The following NOVA1 variants were observed in gnomAD, a reference collection of about 807,000 sequenced individuals.
NOVA1 encodes NOVA alternative splicing regulator 1.
Under a neutral mutation model 38.0 loss-of-function variants are expected in NOVA1, and 7 were observed. The ratio of observed to expected loss-of-function variants is 0.18; its 90% confidence interval spans 0.10 to 0.35. The LOEUF is 0.35. Among genes scored for constraint, NOVA1 ranks in the 10% least tolerant of loss-of-function variants. The probability of loss-of-function intolerance (pLI) is 1.00; values close to 1 mark genes in which losing one functional copy is unlikely to be tolerated. For synonymous variants in NOVA1, 270 were observed against 232.5 expected, an observed-to-expected ratio of 1.16 and a Z score of -1.47; for missense variants, 460 against 616.0, an observed-to-expected ratio of 0.75 and a Z score of 2.68.
chr14:26,469,554 T>C (rs1191957152), intron 4 of NOVA1, among the ~76,000 whole-genome samples: 1 of 152,198 alleles, frequency 6.6e-6, no homozygotes, highest in Non-Finnish European at 1.5e-5. Flanking sequence ...TAACTGTTCT[T>C]CATTTCTTAT....
chr14:26,535,887 G>A (rs1188303926), intron 2 of NOVA1, among the ~76,000 whole-genome samples: 1 of 151,412 alleles, frequency 6.6e-6, no homozygotes, highest in African/African-American at 2.4e-5. Context: ...GCTGAGGCAG[G>A]AGAATGGTGT....
chr14:26,557,017 T>C (rs901492471), intron 2 of NOVA1, among the ~76,000 whole-genome samples: 2 of 152,126 alleles, frequency 1.3e-5, no homozygotes, highest in African/African-American at 4.8e-5. Context: ...CTCCTTGGCT[T>C]GTAGATGGCA....
Position 26,545,357 on chromosome 14 carries a change from C to T in NOVA1, c.280+50053G>A, listed in dbSNP as rs1479342985. 2.6e-5 allele frequency among the ~76,000 whole-genome samples: 4 copies of T among 151,964 alleles called. No homozygotes were observed. The East Asian group carries it at 5.8e-4, about 22-fold the overall frequency. On this transcript the variant is annotated intron_variant, in intron 2 of 4. Transcript: ENST00000539517. ...GGTTGAGTTATACAGAGGATAGTAG[C>T]CTAGGGATAAAGGGGAAAGTAAGTA...
chr14:26,593,913 A>G (rs1163925622), intron 2 of NOVA1: 1 of 151,884 alleles, frequency 6.6e-6, no homozygotes, highest in African/African-American at 2.4e-5. Context: ...ATTTTCATCT[A>G]TTGACAGTGA....
chr14:26,595,650 G>C, intron 1 of NOVA1, 97 bp from the exon 2 acceptor site: 1 of 1,016,534 alleles, frequency 9.8e-7, no homozygotes, highest in African/African-American at 1.6e-5. Flanking sequence ...CTAAAGCACT[G>C]GGTATATAAC....
chr14:26,542,336 C>G (rs951437577), intron 2 of NOVA1, among the ~76,000 whole-genome samples: 3 of 151,660 alleles, frequency 2.0e-5, no homozygotes, highest in African/African-American at 2.4e-5. Context: ...ACTTAAAATG[C>G]TTTTTGGATT....
intron 2 of NOVA1, among the ~76,000 whole-genome samples, chr14:26,580,507 G>A (rs1019199848): frequency 1.3e-4 from 19 of 151,774 alleles, no homozygotes; most frequent in Non-Finnish European, 1.5e-4. Flanking sequence ...ATATCTTCAG[G>A]GGTATTATAG....
chr14:26,548,653 A>T (rs1890974057), intron 2 of NOVA1, among the ~76,000 whole-genome samples: 1 of 152,116 alleles, frequency 6.6e-6, no homozygotes, highest in Non-Finnish European at 1.5e-5. Flanking sequence ...AGGCATAAAC[A>T]TGCCAAACTA....
chr14:26,470,449 CTCTTA>C (rs1264530801), intron 4 of NOVA1: 4 of 1,559,250 alleles, frequency 2.6e-6, no homozygotes, highest in Non-Finnish European at 3.5e-6. Flanking sequence ...TTTTGTTCTT[CTCTTA>C]TATCTTGCTT....
chr14:26,492,750 T>G (rs1261305247), intron 2 of NOVA1, among the ~76,000 whole-genome samples: 3 of 152,018 alleles, frequency 2.0e-5, no homozygotes, highest in Non-Finnish European at 4.4e-5. Flanking sequence ...GCGGATCACT[T>G]GAAGTCAGGA....
At chr14:26,477,225 T>C (rs1033424237) in intron 3 of NOVA1, among the ~76,000 whole-genome samples, 4 of 152,220 alleles carry the variant, frequency 2.6e-5, no homozygotes, top group African/African-American at 9.6e-5. Flanking sequence ...TAACAAGTGC[T>C]ATTTTTGTCA....
At chr14:26,514,357 T>C (rs1351698089) in intron 2 of NOVA1, among the ~76,000 whole-genome samples, 5 of 151,798 alleles carry the variant, frequency 3.3e-5, no homozygotes, top group Admixed American at 2.0e-4. Flanking sequence ...TTCATAGTTA[T>C]GGTAAATCTG....
At chr14:26,587,308 T>TAAAAAAAAAAAA (rs34853058) in intron 2 of NOVA1, among the ~76,000 whole-genome samples, 15 of 123,604 alleles carry the variant, frequency 1.2e-4, no homozygotes, top group Non-Finnish European at 1.8e-4. Context: ...CTAAAATATA[T>TAAAAAAAAAAAA]AAAAAAAAAA....
At chr14:26,519,570 AG>A (rs1888723570) in intron 2 of NOVA1, 1 of 152,196 alleles carries the variant, frequency 6.6e-6, no homozygotes, top group African/African-American at 2.4e-5. Flanking sequence ...CAAAAGAAGT[AG>A]AAAAAACAAG....
chr14:26,571,241 C>T (rs1427648319), intron 2 of NOVA1, among the ~76,000 whole-genome samples: 1 of 151,872 alleles, frequency 6.6e-6, no homozygotes, highest in Non-Finnish European at 1.5e-5. Context: ...ATTAAGTGTC[C>T]TCACGTTCTA....
intron 2 of NOVA1, among the ~76,000 whole-genome samples, chr14:26,506,934 CAAATA>C (rs1887680845): frequency 6.6e-6 from 1 of 151,830 alleles, no homozygotes; most frequent in Non-Finnish European, 1.5e-5. Flanking sequence ...TATTTGATAC[CAAATA>C]AAATAAAATT....
chr14:26,561,783 ATAT>A (rs1891845990), intron 2 of NOVA1, among the ~76,000 whole-genome samples: 1 of 152,194 alleles, frequency 6.6e-6, no homozygotes, highest in East Asian at 1.9e-4. Flanking sequence ...TTCTAAACAA[ATAT>A]TATATTTCTC....
At chr14:26,454,834 G>GA (rs1472611911) in intron 4 of NOVA1, among the ~76,000 whole-genome samples, 1 of 152,026 alleles carries the variant, frequency 6.6e-6, no homozygotes, top group Non-Finnish European at 1.5e-5. Context: ...AATCTAACCA[G>GA]AAAAATGCCT....
At chr14:26,548,846 C>A (rs941584123) in intron 2 of NOVA1, among the ~76,000 whole-genome samples, 1 of 151,840 alleles carries the variant, frequency 6.6e-6, no homozygotes, top group African/African-American at 2.4e-5. Context: ...GTGGCTCACA[C>A]CTATAATCCC....
Sources: allele counts gnomAD v4.1 joint callset (sites outside exome capture counted in the v4.1 genomes callset), GRCh38; gene constraint gnomAD v4.1.1; transcripts MANE v1.5; gene names NCBI Gene and HGNC (gene_info 2026-07-23, HGNC 2026-07-21).